CACNA1D: variants seen among roughly 807,000 people sequenced by gnomAD.
The protein encoded by CACNA1D is calcium voltage-gated channel subunit alpha1 D.
CACNA1D carries 55 observed loss-of-function variants against 257.1 expected under a neutral mutation model. The observed-to-expected ratio is 0.21, with a 90% CI of 0.17 to 0.27. CACNA1D has a LOEUF of 0.27. Ranked by LOEUF, CACNA1D falls within the 10% of genes least tolerant of loss-of-function variation. CACNA1D has a pLI of 1.00. For missense variants in CACNA1D, 1,876 were observed against 2,784.0 expected (o/e 0.67, Z 7.34); for synonymous variants, 980 against 1,014.9 (o/e 0.97, Z 0.65).
intron 20 of CACNA1D, among the ~76,000 whole-genome samples, chr3:53,740,030 G>A (rs1303741400): frequency 1.3e-5 from 2 of 152,234 alleles, no homozygotes; most frequent in African/African-American, 4.8e-5. Flanking sequence ...CTCTCTGCCT[G>A]TCCAAGACAC....
intron 40 of CACNA1D, among the ~76,000 whole-genome samples, chr3:53,788,549 TG>T (rs1242157217): frequency 1.3e-5 from 2 of 152,248 alleles, no homozygotes; most frequent in African/African-American, 4.8e-5. Context: ...AAGAAGTCTC[TG>T]GTCCATCCAT....
rs763483604 is a variant in CACNA1D at position 53,666,381 on chromosome 3, G to A, written c.962G>A (p.Gly321Glu). The change falls in exon 7 of 48, where the codon GGG (glycine) becomes GAG (glutamate). Residue 321 changes from glycine to glutamate, a missense_variant. Coordinates refer to ENST00000350061, the MANE Select transcript of CACNA1D (RefSeq NM_001128840.3). ...GACCCAGCTCCATGTGCGTTCTCAG[G>A]GAATGGACGCCAGTGTACTGCCAAT... The part of the protein sequence containing the change: ...EEDPAPCAFS[G>E]NGRQCTANGT... 1.6e-4 allele frequency: 261 copies of A among 1,614,076 alleles called. 1 individual carries two copies. The highest frequency in any genetic ancestry group is 2.1e-4 in the Non-Finnish European group (250 of 1,180,050).
intron 29 of CACNA1D, 39 bp downstream of exon 29, chr3:53,753,721 G>A: frequency 8.1e-7 from 1 of 1,234,148 alleles, no homozygotes. Context: ...TTGTTGCTGA[G>A]TCACCCTAGA....
chr3:53,784,152 C>T (rs1559681999), intron 39 of CACNA1D, among the ~76,000 whole-genome samples: 1 of 152,168 alleles, frequency 6.6e-6, no homozygotes, highest in Non-Finnish European at 1.5e-5. Context: ...CTCCGCTGCC[C>T]CCTCACCATC....
chr3:53,516,490 C>T (rs567184276), intron 3 of CACNA1D, among the ~76,000 whole-genome samples: 12 of 152,324 alleles, frequency 7.9e-5, no homozygotes, highest in African/African-American at 2.4e-4. Context: ...CACAGCATAG[C>T]GCTGTGTGGA....
At chr3:53,613,416 C>A (rs1173334709) in intron 3 of CACNA1D, among the ~76,000 whole-genome samples, 2 of 152,042 alleles carry the variant, frequency 1.3e-5, no homozygotes, top group Non-Finnish European at 2.9e-5. Context: ...GTGGAAAGAG[C>A]GTAGTATCTG....
intron 3 of CACNA1D, among the ~76,000 whole-genome samples, chr3:53,618,301 A>C (rs1197842750): frequency 2.6e-5 from 4 of 152,192 alleles, no homozygotes; most frequent in African/African-American, 9.7e-5. Context: ...GACAGCATGT[A>C]GCTGTCCTCA....
chr3:53,669,103 C>T (rs768760899), intron 7 of CACNA1D, among the ~76,000 whole-genome samples: 47 of 152,316 alleles, frequency 3.1e-4, no homozygotes, highest in Middle Eastern at 3.4e-3. Flanking sequence ...AATGTCTTCC[C>T]GACTGTTCTC....
intron 3 of CACNA1D, among the ~76,000 whole-genome samples, chr3:53,597,571 A>G (rs951751267): frequency 6.6e-6 from 1 of 152,296 alleles, no homozygotes; most frequent in Non-Finnish European, 1.5e-5. Context: ...AGCTGTTGTT[A>G]GGACAATTGC....
In CACNA1D at chr3:53,789,722, C is replaced by G. The variant is rs1318250625; in HGVS notation, c.4923+2770C>G. Among the ~76,000 whole-genome samples, 2 of 152,248 alleles carry G rather than the reference C, an allele frequency of 1.3e-5. No individual in the cohort carries two copies. Among genetic ancestry groups the G allele is most frequent in the African/African-American group, 4.8e-5 (2 of 41,474 alleles). Reference sequence around the variant, plus strand: ...GTGAGCGCAGAAGTGCGGACCTAGGCATGTGCGTGCTTGTGCTGCGTAGGG... The same window carrying G: ...GTGAGCGCAGAAGTGCGGACCTAGGGATGTGCGTGCTTGTGCTGCGTAGGG... On this transcript the variant is annotated intron_variant, in intron 40 of 47. Transcript: ENST00000350061. The surrounding 1 kb of genome is among the most constrained non-coding windows in gnomAD (Gnocchi z 4.2).
At chr3:53,739,915 G>A (rs1051254184) in intron 20 of CACNA1D, among the ~76,000 whole-genome samples, 3 of 152,226 alleles carry the variant, frequency 2.0e-5, no homozygotes, top group South Asian at 4.1e-4. Context: ...GTTAAAAATC[G>A]AAAATGTGTA....
At chr3:53,742,466 A>G (rs2095127311) in intron 21 of CACNA1D, among the ~76,000 whole-genome samples, 1 of 152,362 alleles carries the variant, frequency 6.6e-6, no homozygotes, top group African/African-American at 2.4e-5. Context: ...GGCACGTGTC[A>G]TCAGACTTGG....
intron 3 of CACNA1D, among the ~76,000 whole-genome samples, chr3:53,573,954 T>C (rs1395139745): frequency 1.3e-5 from 2 of 152,028 alleles, no homozygotes; most frequent in African/African-American, 2.4e-5. Context: ...AATGAAGGAG[T>C]CGAGGAATAA....
chr3:53,692,995 G>A (rs932673684), intron 8 of CACNA1D, among the ~76,000 whole-genome samples: 11 of 152,104 alleles, frequency 7.2e-5, no homozygotes, highest in Non-Finnish European at 1.2e-4. Flanking sequence ...GAGGTGGAGG[G>A]CATGCCACTG....
chr3:53,772,229 C>G (rs2095370239), intron 32 of CACNA1D, among the ~76,000 whole-genome samples: 1 of 152,182 alleles, frequency 6.6e-6, no homozygotes, highest in Non-Finnish European at 1.5e-5. Flanking sequence ...AGCCCCCCAA[C>G]TTAGCAGTTC....
intron 9 of CACNA1D, among the ~76,000 whole-genome samples, chr3:53,706,419 T>G (rs371774106): frequency 6.6e-6 from 1 of 152,218 alleles, no homozygotes; most frequent in African/African-American, 2.4e-5. Flanking sequence ...GTTTTGTGAC[T>G]TGGAATTTGG....
Position 53,774,892 on chromosome 3 carries a change from C to T in CACNA1D, c.4202+214C>T, listed in dbSNP as rs551556136. 4.6e-5 allele frequency among the ~76,000 whole-genome samples: 7 copies of T among 152,282 alleles called. No individual in the cohort carries two copies. Among genetic ancestry groups the T allele is most frequent in the South Asian group, 2.1e-4 (1 of 4,816 alleles). On this transcript the variant is annotated intron_variant, in intron 34 of 47. Transcript: ENST00000350061. The surrounding 1 kb of genome is among the most constrained non-coding windows in gnomAD (Gnocchi z 4.3). Reference sequence around the variant, plus strand: ...ATTGTTAAAACTGCTGTGGTAATCCCGATTGTGGCTGGCATAAGGTTTATT... The same window carrying T: ...ATTGTTAAAACTGCTGTGGTAATCCTGATTGTGGCTGGCATAAGGTTTATT...
chr3:53,810,889 G>A (rs1451344085), intron 47 of CACNA1D, among the ~76,000 whole-genome samples: 1 of 151,556 alleles, frequency 6.6e-6, no homozygotes, highest in South Asian at 2.1e-4. Context: ...TCTTTCCCCA[G>A]TGGGTTTCAC....
At chr3:53,587,957 A>G (rs1031461070) in intron 3 of CACNA1D, among the ~76,000 whole-genome samples, 6 of 152,164 alleles carry the variant, frequency 3.9e-5, no homozygotes, top group Non-Finnish European at 8.8e-5. Context: ...TGCACATTCC[A>G]TCAAGTGGTT....
Sources: gnomAD v4.1 joint callset for allele counts (sites outside exome capture counted in the v4.1 genomes callset) on GRCh38, gnomAD v4.1.1 for gene constraint, Gnocchi (gnomAD v3.1) non-coding constraint, MANE v1.5 for transcripts, NCBI Gene and HGNC (gene_info 2026-07-23, HGNC 2026-07-21) for gene names.